Variants in SDK1 observed in about 807,000 individuals in gnomAD.
SDK1 encodes the protein sidekick cell adhesion molecule 1.
A neutral mutation model predicts 245.5 loss-of-function variants in SDK1; 157 were observed. The ratio of observed to expected loss-of-function variants is 0.64; its 90% CI spans 0.56 to 0.73. The LOEUF (loss-of-function observed/expected upper bound fraction) is 0.73, where lower values mean the gene tolerates loss of function less well. SDK1 is among the 30% of genes least tolerant of loss of function. The pLI is 0.00. For missense variants in SDK1, 3,583 were observed against 3,002.3 expected (o/e 1.19, Z -4.52); for synonymous variants, 1,647 against 1,278.5 (o/e 1.29, Z -6.15).
intron 4 of SDK1, among the ~76,000 whole-genome samples, chr7:3,805,473 T>C (rs1260521313): frequency 2.6e-5 from 4 of 152,246 alleles, no homozygotes; most frequent in Non-Finnish European, 5.9e-5. Context: ...CTATATGGTA[T>C]AAGATGTTCT....
intron 2 of SDK1, among the ~76,000 whole-genome samples, chr7:3,628,442 A>T (rs1782185371): frequency 6.6e-6 from 1 of 152,220 alleles, no homozygotes; most frequent in Non-Finnish European, 1.5e-5. Flanking sequence ...TCCTAAGGAC[A>T]TCAGTGTATG....
chr7:3,731,360 C>A (rs1779172953), intron 4 of SDK1, among the ~76,000 whole-genome samples: 1 of 152,160 alleles, frequency 6.6e-6, no homozygotes, highest in African/African-American at 2.4e-5. Flanking sequence ...GAGGCGAGCC[C>A]CGGGACCGTG....
At chr7:4,187,852 C>A (rs1212993160) in intron 35 of SDK1, among the ~76,000 whole-genome samples, 1 of 152,106 alleles carries the variant, frequency 6.6e-6, no homozygotes, top group African/African-American at 2.4e-5. Flanking sequence ...TTAGAAAATT[C>A]CTAGTTGTAT....
Position 3,480,032 on chromosome 7 carries a change from C to G in SDK1, c.299-139048C>G, listed in dbSNP as rs150936503. Among the ~76,000 whole-genome samples, 22 of 152,246 alleles carry G rather than the reference C, an allele frequency of 1.4e-4. No homozygotes were observed. The East Asian group carries it at 3.3e-3, about 23-fold the overall frequency. Reference sequence around the variant, plus strand: ...AAAGTAAAGATGTCTACATCCCAATCGTCAGAACCTGTGAATATGTCCCTT... The same window carrying G: ...AAAGTAAAGATGTCTACATCCCAATGGTCAGAACCTGTGAATATGTCCCTT... On this transcript the variant is annotated intron_variant, in intron 1 of 44. Transcript: ENST00000404826.
intron 29 of SDK1, among the ~76,000 whole-genome samples, chr7:4,148,194 C>T (rs1322868353): frequency 1.3e-5 from 2 of 152,224 alleles, no homozygotes; most frequent in Admixed American, 6.5e-5. Context: ...CGTGTGCTTA[C>T]GGAGGCAAGT....
chr7:3,664,011 C>A (rs1044150458), intron 4 of SDK1, among the ~76,000 whole-genome samples: 2 of 151,722 alleles, frequency 1.3e-5, no homozygotes, highest in Non-Finnish European at 2.9e-5. Context: ...CCCCTAACAT[C>A]TCATTTTGGG....
intron 5 of SDK1, among the ~76,000 whole-genome samples, chr7:3,881,324 G>C (rs1335091180): frequency 6.6e-6 from 1 of 152,088 alleles, no homozygotes; most frequent in African/African-American, 2.4e-5. Context: ...TCATCGTTCA[G>C]CTCCCACTTA....
At chr7:3,959,562 C>A (rs1781513657) in intron 8 of SDK1, among the ~76,000 whole-genome samples, 1 of 152,196 alleles carries the variant, frequency 6.6e-6, no homozygotes, top group Non-Finnish European at 1.5e-5. Flanking sequence ...AGTAATTTCT[C>A]ATCGCCCACC....
chr7:3,581,848 G>T (rs560100993), intron 1 of SDK1, among the ~76,000 whole-genome samples: 1 of 152,344 alleles, frequency 6.6e-6, no homozygotes, highest in South Asian at 2.1e-4. Context: ...CCTTTGCAGG[G>T]ACATGGGTGA....
intron 1 of SDK1, among the ~76,000 whole-genome samples, chr7:3,616,487 C>A (rs370983845): frequency 6.6e-6 from 1 of 152,212 alleles, no homozygotes; most frequent in Non-Finnish European, 1.5e-5. Context: ...CATGTTTGCT[C>A]CCACCAGAGG....
intron 5 of SDK1, among the ~76,000 whole-genome samples, chr7:3,901,208 G>T (rs1316367680): frequency 6.7e-6 from 1 of 148,906 alleles, no homozygotes; most frequent in African/African-American, 2.5e-5. Context: ...TTTTTTTCCC[G>T]ACAGAGTCTT....
chr7:3,418,064 G>A (rs1278197459), intron 1 of SDK1, among the ~76,000 whole-genome samples: 1 of 148,022 alleles, frequency 6.8e-6, no homozygotes, highest in Non-Finnish European at 1.5e-5. Context: ...ACAACAAAGG[G>A]GTAAAAATTC....
At chr7:3,947,172 C>T (rs1375722095) in intron 5 of SDK1, among the ~76,000 whole-genome samples, 1 of 152,132 alleles carries the variant, frequency 6.6e-6, no homozygotes, top group Non-Finnish European at 1.5e-5. Context: ...TGCACACACA[C>T]ACACACGCTT....
intron 1 of SDK1, among the ~76,000 whole-genome samples, chr7:3,384,756 T>G (rs1781569090): frequency 6.6e-6 from 1 of 152,252 alleles, no homozygotes; most frequent in Non-Finnish European, 1.5e-5. Context: ...TGTATATAAA[T>G]ATACCAGTAT....
chr7:3,729,966 GAACAT>G (rs1026622350), intron 4 of SDK1, among the ~76,000 whole-genome samples: 3 of 151,780 alleles, frequency 2.0e-5, no homozygotes, highest in African/African-American at 7.3e-5. Flanking sequence ...TCATTTTGTT[GAACAT>G]AACATTTGGA....
At chr7:3,486,344 T>C (rs1203306296) in intron 1 of SDK1, among the ~76,000 whole-genome samples, 1 of 152,102 alleles carries the variant, frequency 6.6e-6, no homozygotes, top group Non-Finnish European at 1.5e-5. Flanking sequence ...TTAGCCAGTT[T>C]TATGGGTCAT....
chr7:3,412,953 G>A lies in SDK1; in HGVS notation c.298+111069G>A, dbSNP rs139034166. 1.5e-4 allele frequency among the ~76,000 whole-genome samples: 23 copies of A among 152,284 alleles called. No homozygotes were observed. In the East Asian group the frequency reaches 4.0e-3, roughly 27 times the overall value. The stretch of plus-strand genomic sequence containing the variant: ...GTTCTAGGGAATCAGCAAGGAGCAA[G>A]GTGTTACTTCTCTCTTGGAGTTTAT... On this transcript the variant is annotated intron_variant, in intron 1 of 44. Coordinates refer to ENST00000404826, the MANE Select transcript of SDK1 (RefSeq NM_152744.4).
chr7:3,940,363 TC>T (rs1351153114), intron 5 of SDK1, among the ~76,000 whole-genome samples: 1 of 152,216 alleles, frequency 6.6e-6, no homozygotes, highest in Admixed American at 6.5e-5. Context: ...TTAGCCACCG[TC>T]CTGCAAGGCA....
At chr7:4,212,975 GCT>G (rs1204471199) in intron 38 of SDK1, among the ~76,000 whole-genome samples, 1 of 152,152 alleles carries the variant, frequency 6.6e-6, no homozygotes, top group Non-Finnish European at 1.5e-5. Context: ...TTGGGCTGCT[GCT>G]CTTAGTCTTG....
Sources: allele counts gnomAD v4.1 joint callset (sites outside exome capture counted in the v4.1 genomes callset), GRCh38; gene constraint gnomAD v4.1.1; transcripts MANE v1.5; gene names NCBI Gene and HGNC (gene_info 2026-07-23, HGNC 2026-07-21).